HAPSTR1: variants seen among roughly 807,000 people sequenced by gnomAD.
HAPSTR1 encodes the protein HUWE1 associated protein modifying stress responses.
At chr16:9,119,753 C>T in the HAPSTR1 span, 4 of 152,164 alleles carry the variant, frequency 2.6e-5, no homozygotes, top group East Asian at 7.7e-4. Flanking sequence ...CTTTTTGATG[C>T]AATCAAATGA....
the HAPSTR1 span, chr16:9,109,650 T>C: frequency 6.6e-6 from 1 of 152,260 alleles, no homozygotes; most frequent in Non-Finnish European, 1.5e-5. Flanking sequence ...GAACCATTAC[T>C]GTCATTGCCT....
chr16:9,112,124 T>C, the HAPSTR1 span: 1 of 152,224 alleles, frequency 6.6e-6, no homozygotes, highest in Non-Finnish European at 1.5e-5. Flanking sequence ...GGGAGTGGTA[T>C]CTACTTCAAA....
At chr16:9,092,802 C>T in the HAPSTR1 span, 3 of 1,092,264 alleles carry the variant, frequency 2.7e-6, no homozygotes, top group South Asian at 1.5e-5. Context: ...ATGGCGAAAC[C>T]TAATATGGCC....
the HAPSTR1 span, chr16:9,112,867 T>A: frequency 6.6e-6 from 1 of 152,204 alleles, no homozygotes; most frequent in African/African-American, 2.4e-5. Flanking sequence ...GCTGAGTTTA[T>A]CTTGTGTTAA....
the HAPSTR1 span, chr16:9,112,931 A>G: frequency 6.6e-6 from 1 of 150,788 alleles, no homozygotes; most frequent in Admixed American, 6.6e-5. Flanking sequence ...TTGTCAATTG[A>G]TACTCTCATA....
the HAPSTR1 span, chr16:9,118,780 A>G: frequency 4.6e-5 from 7 of 152,630 alleles, no homozygotes; most frequent in Non-Finnish European, 7.3e-5. Flanking sequence ...TGGTGGTGCA[A>G]TGTGTTGCTC....
the HAPSTR1 span, among the ~76,000 whole-genome samples, chr16:9,097,646 C>T: frequency 2.0e-5 from 3 of 152,178 alleles, no homozygotes; most frequent in African/African-American, 7.2e-5. Context: ...CTTAAAAGGC[C>T]ACAGTAGGAT....
chr16:9,095,979 A>G, the HAPSTR1 span, among the ~76,000 whole-genome samples: 4 of 152,184 alleles, frequency 2.6e-5, no homozygotes, highest in African/African-American at 4.8e-5. Flanking sequence ...TCCTGGAACT[A>G]AAGAAGGGGA....
chr16:9,112,988 T>C, the HAPSTR1 span: 1 of 151,096 alleles, frequency 6.6e-6, no homozygotes, highest in African/African-American at 2.4e-5. Flanking sequence ...TTGTATGCCC[T>C]CAGGACGTAC....
At chr16:9,100,548 T>G in the HAPSTR1 span, among the ~76,000 whole-genome samples, 1 of 152,194 alleles carries the variant, frequency 6.6e-6, no homozygotes, top group African/African-American at 2.4e-5. Context: ...CATCTTTTTT[T>G]TTTGAGAGAG....
At chr16:9,111,287 AATGTGTCTAAAGACCTTT>A in the HAPSTR1 span, 1 of 152,242 alleles carries the variant, frequency 6.6e-6, no homozygotes, top group Admixed American at 6.5e-5. Flanking sequence ...TTAAAAGTAA[AATGTGTCTAAAGACCTTT>A]TGGAAATTAA....
At chr16:9,110,245 A>G in the HAPSTR1 span, 9 of 151,430 alleles carry the variant, frequency 5.9e-5, no homozygotes, top group African/African-American at 1.5e-4. Context: ...TTACTTGACA[A>G]TATTCTTGGA....
At chr16:9,092,119 G>A in the HAPSTR1 span, 4 of 1,550,910 alleles carry the variant, frequency 2.6e-6, no homozygotes, top group Non-Finnish European at 3.5e-6. Flanking sequence ...CCAAGTGGGA[G>A]CGGCAGTGCC....
At chr16:9,108,622 A>G in the HAPSTR1 span, 1 of 152,184 alleles carries the variant, frequency 6.6e-6, no homozygotes, top group African/African-American at 2.4e-5. Flanking sequence ...CTCAAAATTA[A>G]TCAGAAACGA....
chr16:9,112,895 G>A, the HAPSTR1 span: 2 of 151,762 alleles, frequency 1.3e-5, no homozygotes, highest in Non-Finnish European at 2.9e-5. Flanking sequence ...AGACTTCTCT[G>A]TCTAATCATG....
At chr16:9,106,882 A>G in the HAPSTR1 span, 9 of 152,160 alleles carry the variant, frequency 5.9e-5, no homozygotes, top group Admixed American at 4.6e-4. Context: ...TAAACAGCAT[A>G]CTTGAGACCA....
chr16:9,116,954 C>G, the HAPSTR1 span: 3 of 1,607,438 alleles, frequency 1.9e-6, no homozygotes, highest in Non-Finnish European at 2.5e-6. Context: ...TTGAAAGCCA[C>G]TTGATCCTCA....
the HAPSTR1 span, chr16:9,103,056 T>C: frequency 6.2e-7 from 1 of 1,614,044 alleles, no homozygotes; most frequent in African/African-American, 1.3e-5. Flanking sequence ...AATAAGGATG[T>C]GTTGGCTTGG....
the HAPSTR1 span, chr16:9,092,278 C>T: frequency 1.1e-5 from 17 of 1,525,636 alleles, no homozygotes; most frequent in East Asian, 2.6e-5. Context: ...AAGGTGAGGC[C>T]GCCGCCGCCA....
Sources: gnomAD v4.1 joint callset for allele counts (sites outside exome capture counted in the v4.1 genomes callset) on GRCh38, gnomAD v4.1.1 for gene constraint, MANE v1.5 for transcripts, NCBI Gene and HGNC (gene_info 2026-07-23, HGNC 2026-07-21) for gene names.